PCDHGA3: variants seen among roughly 807,000 people sequenced by gnomAD.
PCDHGA3 encodes protocadherin gamma subfamily A, 3, also known as protocadherin gamma-A3.
PCDHGA3 carries 40 observed loss-of-function variants against 58.5 expected under a neutral mutation model. That is an observed-to-expected ratio of 0.68 (90% CI 0.53 to 0.89). The LOEUF is 0.89. Among genes scored for constraint, PCDHGA3 ranks in the 40% least tolerant of loss-of-function variants. The pLI is 0.00. For synonymous variants in PCDHGA3, 530 were observed against 525.7 expected (o/e 1.01, Z -0.11); for missense variants, 1,223 against 1,195.9 (o/e 1.02, Z -0.33).
chr5:141,408,965 C>T lies in PCDHGA3; in HGVS notation c.2424+62508C>T, dbSNP rs767484272. The T allele has an allele frequency of 1.5e-5, 25 of 1,613,688 alleles. No homozygotes were observed. The Admixed American group carries it at 4.2e-4, about 27-fold the overall frequency. On this transcript the variant is annotated intron_variant, in intron 1 of 3. Transcript: ENST00000253812. ...ATATAGAATTAGTCTTAGTGAAAATCTGCCCCCTGGGTCCCCTGTGTTGCA... is the reference window on the plus strand; with the variant it reads ...ATATAGAATTAGTCTTAGTGAAAATTTGCCCCCTGGGTCCCCTGTGTTGCA...
Position 141,491,057 on chromosome 5 carries a change from CCTA to C in PCDHGA3, c.2425-3747_2425-3745del. On this transcript the variant is annotated intron_variant, in intron 1 of 3. Coordinates refer to ENST00000253812, the MANE Select transcript of PCDHGA3 (RefSeq NM_018916.4). The surrounding 1 kb of genome is among the most constrained non-coding windows in gnomAD (Gnocchi z 6.9). ...GATGCAGGCCACAATGCGTGGCTCTCCTACTCACTGTTGCCACAGTCCACAGCC... is the reference window on the plus strand; with the variant it reads ...GATGCAGGCCACAATGCGTGGCTCTCCTCACTGTTGCCACAGTCCACAGCC... 6.2e-7 allele frequency: 1 copy of C among 1,614,208 alleles called. No homozygotes were observed. The highest frequency in any genetic ancestry group is 8.5e-7 in the Non-Finnish European group (1 of 1,180,022).
At chr5:141,409,745 T>G (rs968473065) in intron 1 of PCDHGA3, 9 of 1,613,074 alleles carry the variant, frequency 5.6e-6, no homozygotes, top group Non-Finnish European at 7.6e-6. Flanking sequence ...CGGGGTGGTG[T>G]TCGCGCAGCG....
At chr5:141,466,689 A>G (rs2099127361) in intron 1 of PCDHGA3, among the ~76,000 whole-genome samples, 1 of 152,220 alleles carries the variant, frequency 6.6e-6, no homozygotes, top group Admixed American at 6.5e-5. Context: ...CTCAAGCTTC[A>G]TCATAAATTT....
chr5:141,364,532 T>A (rs1461835311), intron 1 of PCDHGA3: 2 of 1,613,962 alleles, frequency 1.2e-6, no homozygotes. Flanking sequence ...CCGCATCGTC[T>A]CCAGAGGTAG....
chr5:141,461,648 A>G (rs910827619), intron 1 of PCDHGA3, among the ~76,000 whole-genome samples: 2 of 152,070 alleles, frequency 1.3e-5, no homozygotes, highest in South Asian at 2.1e-4. Context: ...TCTTTGACCC[A>G]TGGATTATTT....
intron 1 of PCDHGA3, chr5:141,385,077 G>A (rs752305852): frequency 9.9e-6 from 16 of 1,614,096 alleles, no homozygotes; most frequent in Non-Finnish European, 1.4e-5. Flanking sequence ...GCCTGCTGCA[G>A]GCTTCAGAAG....
intron 1 of PCDHGA3, chr5:141,409,769 G>C (rs1413636372): frequency 1.2e-6 from 2 of 1,612,776 alleles, no homozygotes; most frequent in Non-Finnish European, 1.7e-6. Context: ...CTTTGATCAC[G>C]AGCAGCTGCG....
At chr5:141,409,898 G>A in intron 1 of PCDHGA3, 1 of 1,613,240 alleles carries the variant, frequency 6.2e-7, no homozygotes, top group Non-Finnish European at 8.5e-7. Flanking sequence ...GCTGTACCCA[G>A]CTCTGGGTCC....
chr5:141,347,172 T>TTTCTTTCTTTCTTTCC (rs1757920988), intron 1 of PCDHGA3, among the ~76,000 whole-genome samples: 1 of 149,064 alleles, frequency 6.7e-6, no homozygotes, highest in Non-Finnish European at 1.5e-5. Context: ...TCTTTCTTTC[T>TTTCTTTCTTTCTTTCC]TTCTTTCTTG....
chr5:141,415,336 C>T (rs746539261), intron 1 of PCDHGA3: 5 of 1,614,200 alleles, frequency 3.1e-6, no homozygotes, highest in South Asian at 2.2e-5. Flanking sequence ...GCACAGGCTG[C>T]GGCGCTGGCA....
chr5:141,415,227 T>A, intron 1 of PCDHGA3: 2 of 1,614,126 alleles, frequency 1.2e-6, no homozygotes, highest in African/African-American at 2.7e-5. Context: ...GCTTCGAGTC[T>A]CCAGCTAACT....
chr5:141,403,540 G>A (rs752983401), intron 1 of PCDHGA3: 2 of 1,613,886 alleles, frequency 1.2e-6, no homozygotes, highest in African/African-American at 2.7e-5. Context: ...AGCTGGTGCT[G>A]GAGCGCGCCC....
intron 1 of PCDHGA3, among the ~76,000 whole-genome samples, chr5:141,448,629 C>T (rs1188418541): frequency 6.6e-6 from 1 of 152,060 alleles, no homozygotes; most frequent in Non-Finnish European, 1.5e-5. Flanking sequence ...CCTTTCTTCA[C>T]ATTATATCCT....
At chr5:141,357,159 T>A (rs372439046) in intron 1 of PCDHGA3, 31 of 1,613,408 alleles carry the variant, frequency 1.9e-5, no homozygotes, top group African/African-American at 6.7e-5. Context: ...GCCAGCCCCC[T>A]CTCTCGGCCA....
At chr5:141,428,049 G>A (rs770637382) in intron 1 of PCDHGA3, 16 of 1,608,954 alleles carry the variant, frequency 9.9e-6, no homozygotes, top group Non-Finnish European at 1.4e-5. Flanking sequence ...GGTGACCAAG[G>A]TGGTGGCGGT....
chr5:141,421,397 C>T, intron 1 of PCDHGA3: 1 of 1,614,030 alleles, frequency 6.2e-7, no homozygotes, highest in Non-Finnish European at 8.5e-7. Context: ...GGGCTGGAGC[C>T]CCGGGAGCTG....
At chr5:141,501,290 TACACACACACACACAC>T (rs55762287) in intron 2 of PCDHGA3, among the ~76,000 whole-genome samples, 7 of 136,164 alleles carry the variant, frequency 5.1e-5, no homozygotes, top group South Asian at 2.4e-4. Context: ...TATTCCCTTA[TACACACACACACACAC>T]ACACACACAC....
intron 1 of PCDHGA3, among the ~76,000 whole-genome samples, chr5:141,449,677 A>G (rs543079734): frequency 6.3e-4 from 96 of 151,362 alleles, no homozygotes; most frequent in Non-Finnish European, 1.1e-3. Flanking sequence ...GTGTATGTAT[A>G]TATGTTTGTG....
intron 1 of PCDHGA3, among the ~76,000 whole-genome samples, chr5:141,456,244 T>C (rs1382294283): frequency 6.6e-6 from 1 of 152,144 alleles, no homozygotes; most frequent in East Asian, 1.9e-4. Context: ...GTTAGGAGGC[T>C]TTGGGCGACC....
Sources: allele counts gnomAD v4.1 joint callset (sites outside exome capture counted in the v4.1 genomes callset), GRCh38; gene constraint gnomAD v4.1.1; non-coding constraint Gnocchi (gnomAD v3.1); transcripts MANE v1.5; gene names NCBI Gene and HGNC (gene_info 2026-07-23, HGNC 2026-07-21).